Variants in DCUN1D3 observed in about 807,000 individuals in gnomAD.
The protein encoded by DCUN1D3 is DCN1-like protein 3.
In DCUN1D3, 6 loss-of-function variants were observed where a neutral mutation model predicts 24.8. The observed-to-expected ratio is 0.24, with a 90% CI of 0.13 to 0.48. DCUN1D3 has a LOEUF of 0.48. DCUN1D3 is among the 20% of genes least tolerant of loss of function. The probability of loss-of-function intolerance (pLI) is 0.99; values close to 1 mark genes in which losing one functional copy is unlikely to be tolerated. For synonymous variants in DCUN1D3, 120 were observed against 144.9 expected (o/e 0.83, Z 1.24); for missense variants, 258 against 379.4 (o/e 0.68, Z 2.66).
intron 1 of DCUN1D3, among the ~76,000 whole-genome samples, chr16:20,870,860 C>T (rs1341727342): frequency 1.3e-5 from 2 of 152,180 alleles, no homozygotes; most frequent in South Asian, 2.1e-4. Context: ...GGCCAGAGAA[C>T]ATAAGTACAT....
intron 1 of DCUN1D3, among the ~76,000 whole-genome samples, chr16:20,865,136 CTAAAA>C (rs1020489635): frequency 9.4e-5 from 14 of 149,046 alleles, no homozygotes; most frequent in African/African-American, 3.5e-4. Flanking sequence ...ACCCCCAAAC[CTAAAA>C]TAAAAGCTAA....
chr16:20,884,502 C>T (rs1462902633), intron 1 of DCUN1D3, among the ~76,000 whole-genome samples: 2 of 152,156 alleles, frequency 1.3e-5, no homozygotes, highest in South Asian at 2.1e-4. Flanking sequence ...AGAAACCTGA[C>T]ATCTACAAGT....
In DCUN1D3 at chr16:20,859,540, C is replaced by CAAAAAAAA. The variant is rs61506075; in HGVS notation, c.*338_*345dup. On this transcript the variant is annotated 3_prime_UTR_variant, in exon 3 of 3. Transcript: ENST00000324344. ...CGCCCTGCTCTATGCCCTCCCCTAC[C>CAAAAAAAA]AAAAAAAAAAAAAAAAAAACAAAAA... 4.2e-4 allele frequency: 30 copies of CAAAAAAAA among 71,478 alleles called. No homozygotes were observed. The highest frequency in any genetic ancestry group is 1.9e-3 in the South Asian group (5 of 2,662). 4.4% of individuals were successfully genotyped at this position (71,478 alleles called of 1,614,324 possible).
chr16:20,897,111 C>T (rs1443395195), intron 1 of DCUN1D3, among the ~76,000 whole-genome samples: 1 of 152,198 alleles, frequency 6.6e-6, no homozygotes, highest in African/African-American at 2.4e-5. Context: ...CTACAAATAG[C>T]CCAAGCAACA....
chr16:20,897,205 A>G (rs2081919887), intron 1 of DCUN1D3, among the ~76,000 whole-genome samples: 1 of 152,252 alleles, frequency 6.6e-6, no homozygotes, highest in African/African-American at 2.4e-5. Context: ...AAGAGAAGAA[A>G]AAAGCATATT....
intron 1 of DCUN1D3, among the ~76,000 whole-genome samples, chr16:20,877,988 G>T (rs1323215760): frequency 2.6e-5 from 4 of 152,138 alleles, no homozygotes; most frequent in Non-Finnish European, 5.9e-5. Context: ...TTTTTGTACA[G>T]ACAGGGTCTT....
At chr16:20,870,259 T>C (rs1423522020) in intron 1 of DCUN1D3, among the ~76,000 whole-genome samples, 1 of 152,118 alleles carries the variant, frequency 6.6e-6, no homozygotes, top group African/African-American at 2.4e-5. Flanking sequence ...GCCTCCTTGG[T>C]GAACAGATCT....
intron 2 of DCUN1D3, among the ~76,000 whole-genome samples, chr16:20,861,300 G>A (rs1199310478): frequency 6.6e-6 from 1 of 152,056 alleles, no homozygotes; most frequent in African/African-American, 2.4e-5. Flanking sequence ...CACAGTGCAA[G>A]TGGCTTCATG....
chr16:20,890,408 G>A (rs1465526283), intron 1 of DCUN1D3, among the ~76,000 whole-genome samples: 2 of 152,018 alleles, frequency 1.3e-5, no homozygotes, highest in Admixed American at 6.6e-5. Flanking sequence ...CAAGAGGATC[G>A]CTTGAGGCAG....
chr16:20,860,102 C>T lies in DCUN1D3; in HGVS notation c.699G>A (p.Ser233=), dbSNP rs755266575. The change falls in exon 3 of 3, where the codon TCG becomes TCA. Residue 233 remains serine, a synonymous_variant. Transcript: ENST00000324344. The surrounding 1 kb of genome is among the most constrained non-coding windows in gnomAD (Gnocchi z 4.3). The part of the protein sequence containing the change: ...QWLNFLTENP[S]GIKGISRDTW... Reference sequence around the variant, plus strand: ...TGTCCCGGGAGATGCCCTTGATCCCCGAGGGGTTCTCTGTTAGGAAGTTTA... The same window carrying T: ...TGTCCCGGGAGATGCCCTTGATCCCTGAGGGGTTCTCTGTTAGGAAGTTTA... 22 of 1,614,084 alleles carry T rather than the reference C, an allele frequency of 1.4e-5. No individual in the cohort carries two copies. The highest frequency in any genetic ancestry group is 5.0e-5 in the Admixed American group (3 of 60,004).
In DCUN1D3 at chr16:20,880,003, A is replaced by G. The variant is rs567048200; in HGVS notation, c.-105-17360T>C. Among the ~76,000 whole-genome samples, 4 of 152,358 alleles carry G rather than the reference A, an allele frequency of 2.6e-5. No individual in the cohort carries two copies. The South Asian group carries it at 8.3e-4, about 32-fold the overall frequency. On this transcript the variant is annotated intron_variant, in intron 1 of 2. Transcript: ENST00000324344. Reference sequence around the variant, plus strand: ...GACACTTGTTTCTTCCAGGCCAAAAACATATTTTAAGAACCAGAAAAGAAA... The same window carrying G: ...GACACTTGTTTCTTCCAGGCCAAAAGCATATTTTAAGAACCAGAAAAGAAA...
rs7187522 is a variant in DCUN1D3 at position 20,862,445 on chromosome 16, T to A, written c.94A>T (p.Arg32Trp). 8 of 1,613,108 alleles carry A rather than the reference T, an allele frequency of 5.0e-6. No homozygotes were observed. The Admixed American group carries it at 6.7e-5, about 13-fold the overall frequency. ...TGCTCCTCACGGTGGCCTGCACCCCTCCTGCTATGTGACTTGTTGCTGGGC... is the reference window on the plus strand; with the variant it reads ...TGCTCCTCACGGTGGCCTGCACCCCACCTGCTATGTGACTTGTTGCTGGGC... ...REPSNKSHSR[R>W]GAGHREEQVP... is the part of the protein sequence containing the mutation. The change falls in exon 2 of 3, where the codon AGG becomes TGG. Residue 32 changes from arginine to tryptophan, a missense_variant. Physicochemically the swap from Arg to Trp is moderately radical, Grantham distance 101. Transcript: ENST00000324344.
chr16:20,895,004 G>GA (rs889638191), intron 1 of DCUN1D3, among the ~76,000 whole-genome samples: 29 of 146,984 alleles, frequency 2.0e-4, no homozygotes, highest in African/African-American at 3.7e-4. Flanking sequence ...AAAATATTTG[G>GA]AAAAAAAAAA....
chr16:20,891,559 G>T (rs1008282808), intron 1 of DCUN1D3, among the ~76,000 whole-genome samples: 26 of 152,184 alleles, frequency 1.7e-4, no homozygotes, highest in Admixed American at 1.7e-3. Context: ...TGGTCTCCAA[G>T]ATGGGAAGTT....
chr16:20,890,862 G>A (rs528392848), intron 1 of DCUN1D3, among the ~76,000 whole-genome samples: 11 of 151,418 alleles, frequency 7.3e-5, no homozygotes, highest in Middle Eastern at 3.5e-3. Flanking sequence ...CTTGCAGGTC[G>A]GCACTAGCAG....
intron 1 of DCUN1D3, among the ~76,000 whole-genome samples, chr16:20,875,725 T>C (rs1369713807): frequency 6.6e-6 from 1 of 152,146 alleles, no homozygotes; most frequent in Admixed American, 6.5e-5. Context: ...TGGGCAAAGA[T>C]TTTTTGTGTA....
At chr16:20,892,358 C>T (rs1048836957) in intron 1 of DCUN1D3, among the ~76,000 whole-genome samples, 4 of 152,140 alleles carry the variant, frequency 2.6e-5, no homozygotes, top group African/African-American at 9.7e-5. Flanking sequence ...CTCAGAGGGC[C>T]TGAGACTTCC....
chr16:20,877,848 G>T (rs1355782341), intron 1 of DCUN1D3, among the ~76,000 whole-genome samples: 1 of 152,216 alleles, frequency 6.6e-6, no homozygotes, highest in African/African-American at 2.4e-5. Context: ...AGCCCAGAGT[G>T]CAGTGGTGCA....
At chr16:20,898,796 T>G (rs2081934279) in intron 1 of DCUN1D3, among the ~76,000 whole-genome samples, 1 of 152,210 alleles carries the variant, frequency 6.6e-6, no homozygotes, top group South Asian at 2.1e-4. Context: ...CAGTTTCAGA[T>G]TCTACAAAAG....
Sources: allele counts gnomAD v4.1 joint callset (sites outside exome capture counted in the v4.1 genomes callset), GRCh38; gene constraint gnomAD v4.1.1; non-coding constraint Gnocchi (gnomAD v3.1); transcripts MANE v1.5; gene names NCBI Gene and HGNC (gene_info 2026-07-23, HGNC 2026-07-21).